Variants in GALNTL6 observed in about 807,000 individuals in gnomAD.
GALNTL6 encodes polypeptide N-acetylgalactosaminyltransferase like 6.
GALNTL6 carries 46 observed loss-of-function variants against 73.7 expected under a neutral mutation model. That is an observed-to-expected ratio of 0.62 (90% CI 0.49 to 0.80). The LOEUF (loss-of-function observed/expected upper bound fraction) is 0.80, where lower values mean the gene tolerates loss of function less well. Ranked by LOEUF, GALNTL6 falls within the 30% of genes least tolerant of loss-of-function variation. The pLI, the probability that GALNTL6 is intolerant of heterozygous loss-of-function variation, is 0.00. For synonymous variants in GALNTL6, 259 were observed against 263.7 expected, an observed-to-expected ratio of 0.98 and a Z score of 0.17; for missense variants, 604 against 755.0, an observed-to-expected ratio of 0.80 and a Z score of 2.34.
intron 5 of GALNTL6, among the ~76,000 whole-genome samples, chr4:172,524,026 A>G (rs992879559): frequency 6.6e-6 from 1 of 152,168 alleles, no homozygotes; most frequent in Non-Finnish European, 1.5e-5. Context: ...TATAAGTTCT[A>G]TGGTAATTGT....
At chr4:173,029,671 GA>G (rs1753377358) in intron 12 of GALNTL6, among the ~76,000 whole-genome samples, 1 of 151,806 alleles carries the variant, frequency 6.6e-6, no homozygotes, top group Admixed American at 6.6e-5. Context: ...CAGTACTGGA[GA>G]AAAAAAATCT....
chr4:172,761,315 AAATATTT>A (rs1370278367), intron 5 of GALNTL6, among the ~76,000 whole-genome samples: 2 of 152,210 alleles, frequency 1.3e-5, no homozygotes, highest in Non-Finnish European at 2.9e-5. Flanking sequence ...ACCTAGGAGG[AAATATTT>A]ATTATAAAAC....
intron 2 of GALNTL6, among the ~76,000 whole-genome samples, chr4:172,176,728 A>T (rs1363363512): frequency 6.6e-6 from 1 of 152,084 alleles, no homozygotes; most frequent in Admixed American, 6.6e-5. Context: ...GTTGGAGGTT[A>T]CAGTGAGCTA....
chr4:172,344,248 A>G (rs1460957831), intron 4 of GALNTL6, among the ~76,000 whole-genome samples: 1 of 152,196 alleles, frequency 6.6e-6, no homozygotes, highest in Non-Finnish European at 1.5e-5. Context: ...TAAAATATGC[A>G]GGTGCAGAGC....
intron 3 of GALNTL6, among the ~76,000 whole-genome samples, chr4:172,303,560 T>C (rs1740017193): frequency 6.6e-6 from 1 of 152,158 alleles, no homozygotes; most frequent in Non-Finnish European, 1.5e-5. Flanking sequence ...AAAAATAAAT[T>C]GTATTGTGTA....
intron 10 of GALNTL6, among the ~76,000 whole-genome samples, chr4:173,004,901 C>T (rs993028380): frequency 6.6e-6 from 1 of 152,154 alleles, no homozygotes; most frequent in Non-Finnish European, 1.5e-5. Flanking sequence ...GAGGAATGAA[C>T]CCACCACTTC....
intron 7 of GALNTL6, among the ~76,000 whole-genome samples, chr4:172,838,337 G>A (rs758198770): frequency 6.6e-6 from 1 of 152,188 alleles, no homozygotes; most frequent in African/African-American, 2.4e-5. Context: ...GCCCAGCAAC[G>A]TGGCAGGAAG....
At chr4:172,280,144 T>A (rs4140) in intron 3 of GALNTL6, among the ~76,000 whole-genome samples, 1 of 152,058 alleles carries the variant, frequency 6.6e-6, no homozygotes, top group African/African-American at 2.4e-5. Context: ...AGAAAAAGCT[T>A]TTGAGCTCTG....
chr4:172,165,554 T>A (rs2110803677), intron 2 of GALNTL6, among the ~76,000 whole-genome samples: 1 of 152,292 alleles, frequency 6.6e-6, no homozygotes, highest in African/African-American at 2.4e-5. Flanking sequence ...CAAATATATT[T>A]CCTTTACAAA....
intron 8 of GALNTL6, among the ~76,000 whole-genome samples, chr4:172,926,436 G>A (rs1360257387): frequency 6.6e-6 from 1 of 152,144 alleles, no homozygotes; most frequent in Admixed American, 6.5e-5. Flanking sequence ...ACTCTCCTAA[G>A]ATGCATTTAG....
intron 2 of GALNTL6, among the ~76,000 whole-genome samples, chr4:172,054,989 C>T (rs1346654579): frequency 1.3e-5 from 2 of 152,078 alleles, no homozygotes; most frequent in Non-Finnish European, 2.9e-5. Context: ...AACCAAGAGA[C>T]AGCCAAACCT....
intron 5 of GALNTL6, among the ~76,000 whole-genome samples, chr4:172,493,380 A>G (rs1733959138): frequency 6.6e-6 from 1 of 152,198 alleles, no homozygotes; most frequent in Admixed American, 6.5e-5. Context: ...GAAAATTACT[A>G]AAAACTAAAA....
At chr4:172,180,191 G>C (rs1424936910) in intron 2 of GALNTL6, among the ~76,000 whole-genome samples, 4 of 152,074 alleles carry the variant, frequency 2.6e-5, no homozygotes, top group Non-Finnish European at 5.9e-5. Flanking sequence ...TTTCTCTAAT[G>C]ACCAATGATG....
At chr4:172,592,701 T>TATCTATC (rs1553963446) in intron 5 of GALNTL6, among the ~76,000 whole-genome samples, 4 of 152,014 alleles carry the variant, frequency 2.6e-5, no homozygotes, top group Non-Finnish European at 4.4e-5. Context: ...TCTATCTATC[T>TATCTATC]ATCTATCTAT....
At chr4:171,866,506 A>C (rs538203083) in intron 2 of GALNTL6, among the ~76,000 whole-genome samples, 1 of 152,322 alleles carries the variant, frequency 6.6e-6, no homozygotes, top group South Asian at 2.1e-4. Context: ...CTCTCTTTCA[A>C]ATAGTCGATT....
intron 2 of GALNTL6, among the ~76,000 whole-genome samples, chr4:172,110,507 A>T (rs751171229): frequency 4.6e-5 from 7 of 152,152 alleles, no homozygotes; most frequent in African/African-American, 7.2e-5. Flanking sequence ...AAGTGCACAT[A>T]TTTCAGGATG....
intron 4 of GALNTL6, among the ~76,000 whole-genome samples, chr4:172,315,512 A>G (rs1740511813): frequency 6.6e-6 from 1 of 152,122 alleles, no homozygotes; most frequent in South Asian, 2.1e-4. Context: ...TGGCCTCCCA[A>G]AGTGCTAGGG....
intron 5 of GALNTL6, among the ~76,000 whole-genome samples, chr4:172,749,355 A>G (rs1488357898): frequency 6.6e-6 from 1 of 152,080 alleles, no homozygotes; most frequent in Admixed American, 6.6e-5. Context: ...ACTTTGTTGC[A>G]TTATGCCAGG....
Position 172,785,274 on chromosome 4 carries a change from C to G in GALNTL6, c.554-24087C>G, listed in dbSNP as rs147377161. ...AAAAATGTTCAAGAAACAGCATACT[C>G]AGAAGTAGCTTTGCAAGAGGACTTA... On this transcript the variant is annotated intron_variant, in intron 5 of 12. Coordinates refer to ENST00000506823, the MANE Select transcript of GALNTL6 (RefSeq NM_001034845.3). Among the ~76,000 whole-genome samples, 249 of 152,190 alleles carry G rather than the reference C, an allele frequency of 1.6e-3. 1 individual carries two copies. The highest frequency in any genetic ancestry group is 5.9e-3 in the African/African-American group (243 of 41,524).
Sources: allele counts gnomAD v4.1 joint callset (sites outside exome capture counted in the v4.1 genomes callset), GRCh38; gene constraint gnomAD v4.1.1; transcripts MANE v1.5; gene names NCBI Gene and HGNC (gene_info 2026-07-23, HGNC 2026-07-21).